Variants in MRPS28 observed in about 807,000 individuals in gnomAD.
MRPS28 encodes the protein mitochondrial ribosomal protein S28, also known as small ribosomal subunit protein bS1m.
MRPS28 carries 7 observed loss-of-function variants against 10.8 expected under a neutral mutation model. That is an observed-to-expected ratio of 0.65 (90% CI 0.37 to 1.22). MRPS28 has a LOEUF of 1.22. MRPS28 is among the 50% of genes most tolerant of loss of function. The probability of loss-of-function intolerance (pLI) is 0.02; values close to 1 mark genes in which losing one functional copy is unlikely to be tolerated. For synonymous variants in MRPS28, 121 were observed against 93.3 expected, an observed-to-expected ratio of 1.30 and a Z score of -1.71; for missense variants, 265 against 232.9, an observed-to-expected ratio of 1.14 and a Z score of -0.90.
At chr8:79,991,917 T>G (rs1481656540) in intron 2 of MRPS28, among the ~76,000 whole-genome samples, 28 of 8,268 alleles carry the variant, frequency 3.4e-3, no homozygotes, top group South Asian at 5.6e-3. Flanking sequence ...TTGCTCTCTC[T>G]CTCTCTCTCT....
intron 2 of MRPS28, among the ~76,000 whole-genome samples, chr8:79,962,447 C>G (rs2077922544): frequency 6.6e-6 from 1 of 152,086 alleles, no homozygotes; most frequent in African/African-American, 2.4e-5. Flanking sequence ...TTGTAACCAT[C>G]CACTTAGAAA....
At chr8:79,987,515 A>G (rs1274629518) in intron 2 of MRPS28, among the ~76,000 whole-genome samples, 2 of 152,050 alleles carry the variant, frequency 1.3e-5, no homozygotes, top group Non-Finnish European at 2.9e-5. Context: ...GAAAATTTTC[A>G]CAACCTACTC....
Position 80,019,014 on chromosome 8 carries a change from AC to A in MRPS28, c.213+11021del, listed in dbSNP as rs1414274333. On this transcript the variant is annotated intron_variant, in intron 1 of 2. Transcript: ENST00000276585. Reference sequence around the variant, plus strand: ...GCTGGGAAGGGTATTGGGGGTTTGTACCTATTAACCATCCCCACTCCCCTAT... The same window carrying A: ...GCTGGGAAGGGTATTGGGGGTTTGTACTATTAACCATCCCCACTCCCCTAT... 7.2e-5 allele frequency among the ~76,000 whole-genome samples: 11 copies of A among 152,204 alleles called. No individual in the cohort carries two copies. In the East Asian group the frequency reaches 1.7e-3, roughly 24 times the overall value.
rs531560573 is a variant in MRPS28 at position 79,974,574 on chromosome 8, C to CAAA, written c.395+28422_395+28424dup. 9.1e-3 allele frequency among the ~76,000 whole-genome samples: 1,318 copies of CAAA among 144,576 alleles called. 26 individuals are homozygous for CAAA. The highest frequency in any genetic ancestry group is 0.031 in the African/African-American group (1,228 of 39,612). 94.8% of individuals were successfully genotyped at this position (144,576 alleles called of 152,430 possible). Reference sequence around the variant, plus strand: ...AACAAAACAAAACAAAATAAAAAAACAAAAAAAAAACAAATGAAATGTTCC... The same window carrying CAAA: ...AACAAAACAAAACAAAATAAAAAAACAAAAAAAAAAAAACAAATGAAATGTTCC... On this transcript the variant is annotated intron_variant, in intron 2 of 2. Coordinates refer to ENST00000276585, the MANE Select transcript of MRPS28 (RefSeq NM_014018.3).
intron 1 of MRPS28, among the ~76,000 whole-genome samples, chr8:80,018,771 G>A (rs531576290): frequency 6.6e-6 from 1 of 152,178 alleles, no homozygotes; most frequent in East Asian, 1.9e-4. Context: ...AATGGATAAA[G>A]AAAATGTGGT....
At chr8:79,922,668 T>G (rs1443024362) in intron 2 of MRPS28, among the ~76,000 whole-genome samples, 2 of 152,108 alleles carry the variant, frequency 1.3e-5, no homozygotes, top group Non-Finnish European at 2.9e-5. Flanking sequence ...ATTTAGTCAA[T>G]AAAATATTCA....
chr8:80,006,813 C>G (rs191868853), intron 1 of MRPS28, among the ~76,000 whole-genome samples: 3 of 152,082 alleles, frequency 2.0e-5, no homozygotes, highest in African/African-American at 7.2e-5. Context: ...CAGGACCAGA[C>G]GGATTCACAG....
intron 1 of MRPS28, among the ~76,000 whole-genome samples, chr8:80,011,116 C>CT (rs902991084): frequency 1.4e-4 from 20 of 146,454 alleles, no homozygotes; most frequent in African/African-American, 2.5e-4. Context: ...GTAAGCCATT[C>CT]TTTTTTTTTT....
chr8:79,958,811 C>T lies in MRPS28; in HGVS notation c.396-39663G>A, dbSNP rs181204026. 2.0e-5 allele frequency among the ~76,000 whole-genome samples: 3 copies of T among 152,148 alleles called. No individual in the cohort carries two copies. The East Asian group carries it at 5.8e-4, about 29-fold the overall frequency. ...CTTGTGAGAAATGTTTCACATTTAACCCCCAAGTATATAAAAATTAGTTTG... is the reference window on the plus strand; with the variant it reads ...CTTGTGAGAAATGTTTCACATTTAATCCCCAAGTATATAAAAATTAGTTTG... On this transcript the variant is annotated intron_variant, in intron 2 of 2. Transcript: ENST00000276585.
intron 2 of MRPS28, among the ~76,000 whole-genome samples, chr8:79,960,036 A>G (rs761537472): frequency 5.9e-5 from 9 of 152,142 alleles, no homozygotes; most frequent in Admixed American, 1.3e-4. Context: ...TGCTTTCCAC[A>G]TGGTGCAGTC....
At chr8:79,971,760 C>T (rs1001403781) in intron 2 of MRPS28, among the ~76,000 whole-genome samples, 3 of 152,084 alleles carry the variant, frequency 2.0e-5, no homozygotes, top group Non-Finnish European at 2.9e-5. Flanking sequence ...TGCAGTGGTG[C>T]GATCTCAGCT....
At chr8:79,973,839 T>A (rs200724800) in intron 2 of MRPS28, among the ~76,000 whole-genome samples, 169 of 135,974 alleles carry the variant, frequency 1.2e-3, no homozygotes, top group South Asian at 1.9e-3. Context: ...AATAAATTAA[T>A]AAAAAAAAAA....
chr8:79,979,965 A>T (rs907327533), intron 2 of MRPS28, among the ~76,000 whole-genome samples: 2 of 147,484 alleles, frequency 1.4e-5, no homozygotes, highest in Non-Finnish European at 3.0e-5. Flanking sequence ...TTTAAGCCAC[A>T]AGTAGACAAG....
intron 1 of MRPS28, among the ~76,000 whole-genome samples, chr8:80,005,548 C>A (rs1808813582): frequency 6.6e-6 from 1 of 152,096 alleles, no homozygotes; most frequent in Non-Finnish European, 1.5e-5. Flanking sequence ...AACTGTGGAC[C>A]ATCGATGCTA....
At chr8:80,003,940 C>T (rs946734412) in intron 1 of MRPS28, among the ~76,000 whole-genome samples, 17 of 152,232 alleles carry the variant, frequency 1.1e-4, no homozygotes, top group African/African-American at 2.2e-4. Flanking sequence ...GGCTGGGGGA[C>T]GGGCGCCCAC....
chr8:79,958,331 C>T, intron 2 of MRPS28: 1 of 689,942 alleles, frequency 1.4e-6, no homozygotes, highest in Middle Eastern at 2.3e-4. Context: ...TGTATTACAA[C>T]TTCTTTATCT....
intron 1 of MRPS28, 81 bp from the exon 2 acceptor site, chr8:80,003,261 C>CA: frequency 9.2e-7 from 1 of 1,088,794 alleles, no homozygotes; most frequent in South Asian, 2.5e-5. Flanking sequence ...TTCTTAAAGT[C>CA]AATTGTTGTA....
rs773695526 is a variant in MRPS28 at position 79,940,614 on chromosome 8, C to T, written c.396-21466G>A. On this transcript the variant is annotated intron_variant, in intron 2 of 2. Transcript: ENST00000276585. ...CTGCAAAGGTGGCTTGTAGCTTTCCCACAGTATCCGGTTGCTGTCTAGGTA... is the reference window on the plus strand; with the variant it reads ...CTGCAAAGGTGGCTTGTAGCTTTCCTACAGTATCCGGTTGCTGTCTAGGTA... Among the ~76,000 whole-genome samples the T allele has an allele frequency of 3.9e-5, 6 of 152,186 alleles. No individual in the cohort carries two copies. In the East Asian group the frequency reaches 5.8e-4, roughly 15 times the overall value.
intron 1 of MRPS28, among the ~76,000 whole-genome samples, chr8:80,021,849 C>T (rs1453996218): frequency 6.6e-6 from 1 of 152,080 alleles, no homozygotes; most frequent in Non-Finnish European, 1.5e-5. Context: ...ATAGAGAGCC[C>T]CTGCACCCTT....
Sources: allele counts gnomAD v4.1 joint callset (sites outside exome capture counted in the v4.1 genomes callset), GRCh38; gene constraint gnomAD v4.1.1; transcripts MANE v1.5; gene names NCBI Gene and HGNC (gene_info 2026-07-23, HGNC 2026-07-21).